Variants in ST3GAL4 observed in about 807,000 individuals in gnomAD.
ST3GAL4 encodes CMP-N-acetylneuraminate-beta-galactosamide-alpha-2,3-sialyltransferase 4.
In ST3GAL4, 24 loss-of-function variants were observed where a neutral mutation model predicts 42.6. That is an observed-to-expected ratio of 0.56 (90% CI 0.41 to 0.79). The LOEUF is 0.79. Ranked by LOEUF, ST3GAL4 falls within the 30% of genes least tolerant of loss-of-function variation. The pLI, the probability that ST3GAL4 is intolerant of heterozygous loss-of-function variation, is 0.00. For missense variants in ST3GAL4, 311 were observed against 430.8 expected (o/e 0.72, Z 2.46); for synonymous variants, 135 against 163.2 (o/e 0.83, Z 1.32).
At chr11:126,385,732 C>A (rs1262730742) in intron 1 of ST3GAL4, among the ~76,000 whole-genome samples, 1 of 152,034 alleles carries the variant, frequency 6.6e-6, no homozygotes, top group African/African-American at 2.4e-5. Flanking sequence ...GAATTCAGGA[C>A]AGGGCGTGGT....
At position 126,383,384 on chromosome 11, in the gene ST3GAL4, C is replaced by T. The variant is rs1218389220; in HGVS notation, c.-60-22712C>T. On this transcript the variant is annotated intron_variant, in intron 1 of 10. Transcript: ENST00000444328. The surrounding 1 kb of genome is among the most constrained non-coding windows in gnomAD (Gnocchi z 4.5). ...GCAAGCTGACAGAGTCTCCAGGAGC[C>T]AGAGCTGGGGTGGGAGGAACCCACT... 6.6e-6 allele frequency among the ~76,000 whole-genome samples: 1 copy of T among 152,188 alleles called. No homozygotes were observed. Among genetic ancestry groups the T allele is most frequent in the Non-Finnish European group, 1.5e-5 (1 of 68,022 alleles).
chr11:126,398,307 T>C lies in ST3GAL4; in HGVS notation c.-60-7789T>C, dbSNP rs576007323. Among the ~76,000 whole-genome samples the C allele has an allele frequency of 2.6e-5, 4 of 152,292 alleles. No individual in the cohort carries two copies. The East Asian group carries it at 7.7e-4, about 29-fold the overall frequency. ...GAAAGGGGCAACTGGTCCAGACAAC[T>C]CCAGAACCCAGCAGGGGGAACAATA... On this transcript the variant is annotated intron_variant, in intron 1 of 10. Coordinates refer to ENST00000444328, the MANE Select transcript of ST3GAL4 (RefSeq NM_001254757.2). This position sits in a 1 kb window ranked among gnomAD's most constrained non-coding sequence, Gnocchi z 4.7.
At chr11:126,413,223 G>A (rs963998425) in intron 9 of ST3GAL4, among the ~76,000 whole-genome samples, 1 of 152,090 alleles carries the variant, frequency 6.6e-6, no homozygotes, top group African/African-American at 2.4e-5. Flanking sequence ...CTCTGACCTC[G>A]GCCTCCTGAG....
chr11:126,395,383 C>A (rs914638630), intron 1 of ST3GAL4, among the ~76,000 whole-genome samples: 5 of 152,020 alleles, frequency 3.3e-5, no homozygotes, highest in Admixed American at 6.6e-5. Flanking sequence ...AAGAGCTGGA[C>A]GGAGAGAGAT....
At chr11:126,371,308 A>G (rs1952638002) in intron 1 of ST3GAL4, among the ~76,000 whole-genome samples, 1 of 151,310 alleles carries the variant, frequency 6.6e-6, no homozygotes, top group African/African-American at 2.4e-5. Flanking sequence ...GGGATTACAG[A>G]CGCACGCCAT....
chr11:126,402,091 A>AGGGGGG lies in ST3GAL4; in HGVS notation c.-60-4005_-60-4004insGGGGGG, dbSNP rs146212978. Among the ~76,000 whole-genome samples the AGGGGGG allele has an allele frequency of 3.0e-3, 388 of 131,390 alleles. 3 individuals are homozygous for AGGGGGG. The highest frequency in any genetic ancestry group is 9.5e-3 in the East Asian group (30 of 3,142). 86.2% of individuals were successfully genotyped at this position (131,390 alleles called of 152,430 possible). ...TGTCTAGGTGGAAGGATTTGGGGGA[A>AGGGGGG]AGAGGGGAGGTAGGAGAGTCTAGAC... On this transcript the variant is annotated intron_variant, in intron 1 of 10. Transcript: ENST00000444328.
chr11:126,407,626 C>A lies in ST3GAL4; in HGVS notation c.333C>A (p.Asn111Lys). 2 of 1,614,170 alleles carry A rather than the reference C, an allele frequency of 1.2e-6. No individual in the cohort carries two copies. The highest frequency in any genetic ancestry group is 1.7e-6 in the Non-Finnish European group (2 of 1,180,020). Reference sequence around the variant, plus strand: ...TCACCAGCTCCTCCATCCCCAAGAACATCCAGAGGTAAGGCGGCACTCCGA... The same window carrying A: ...TCACCAGCTCCTCCATCCCCAAGAAAATCCAGAGGTAAGGCGGCACTCCGA... ...LAITSSSIPKNIQSLRCRRCV... is the reference protein window; with the variant it reads ...LAITSSSIPKKIQSLRCRRCV... The change falls in exon 6 of 11, where the codon AAC becomes AAA. Residue 111 changes from asparagine to lysine, a missense_variant. Asn to Lys is a moderately conservative substitution (Grantham distance 94). Transcript: ENST00000444328.
chr11:126,371,455 G>A lies in ST3GAL4; in HGVS notation c.-61+15613G>A, dbSNP rs1418962659. ...TGGGATTATAGGCGTGAGCCACCGC[G>A]CCTGGCCTATTCTTTCATCATACAC... On this transcript the variant is annotated intron_variant, in intron 1 of 10. Transcript: ENST00000444328. Among the ~76,000 whole-genome samples the A allele has an allele frequency of 3.9e-5, 6 of 152,188 alleles. No individual in the cohort carries two copies. The South Asian group carries it at 1.0e-3, about 26-fold the overall frequency.
chr11:126,408,475 C>A lies in ST3GAL4; in HGVS notation c.606C>A (p.Thr202=). ...CAATGGACTTCCACTGGATTGAGAC[C>A]ATCCTGAGTGATAAGAAGCGGGTAA... ...FKAMDFHWIE[T]ILSDKKRVRK... The change falls in exon 8 of 11, where the codon ACC becomes ACA. Residue 202 remains threonine (T), a synonymous_variant. Transcript: ENST00000444328. 2 of 1,614,208 alleles carry A rather than the reference C, an allele frequency of 1.2e-6. No individual in the cohort carries two copies. Among genetic ancestry groups the A allele is most frequent in the Non-Finnish European group, 1.7e-6 (2 of 1,180,030 alleles).
At chr11:126,382,591 T>C (rs1315672010) in intron 1 of ST3GAL4, among the ~76,000 whole-genome samples, 2 of 151,972 alleles carry the variant, frequency 1.3e-5, no homozygotes. Flanking sequence ...CAGGGCTTGG[T>C]GTTGGGGCCT....
intron 1 of ST3GAL4, among the ~76,000 whole-genome samples, chr11:126,402,639 CTG>C (rs959878922): frequency 6.6e-6 from 1 of 152,168 alleles, no homozygotes; most frequent in Non-Finnish European, 1.5e-5. Flanking sequence ...GGGCATCATA[CTG>C]TGCCCCTGGG....
intron 1 of ST3GAL4, among the ~76,000 whole-genome samples, chr11:126,358,192 C>T (rs901501376): frequency 3.3e-5 from 5 of 152,232 alleles, no homozygotes; most frequent in Admixed American, 1.3e-4. Flanking sequence ...CTTCCTGCCC[C>T]CTCAGTTCAG....
intron 8 of ST3GAL4, chr11:126,408,898 A>T (rs1954391162): frequency 2.5e-6 from 1 of 397,524 alleles, no homozygotes; most frequent in African/African-American, 2.0e-5. Flanking sequence ...AGTTCACTAC[A>T]TCACTTTGCC....
intron 1 of ST3GAL4, among the ~76,000 whole-genome samples, chr11:126,389,775 T>A (rs1242050356): frequency 1.3e-5 from 2 of 151,982 alleles, no homozygotes; most frequent in African/African-American, 2.4e-5. Context: ...TAAATAAAGA[T>A]GAAATCTTGC....
chr11:126,395,020 A>T (rs997780938), intron 1 of ST3GAL4, among the ~76,000 whole-genome samples: 2 of 151,944 alleles, frequency 1.3e-5, no homozygotes, highest in African/African-American at 4.8e-5. Flanking sequence ...TGCCAACTCT[A>T]ATGAGCCAGG....
At chr11:126,367,551 T>A (rs977254799) in intron 1 of ST3GAL4, among the ~76,000 whole-genome samples, 4 of 152,178 alleles carry the variant, frequency 2.6e-5, no homozygotes, top group Non-Finnish European at 4.4e-5. Flanking sequence ...GAATGCTTGT[T>A]CTGTGCCTAG....
chr11:126,413,638 A>G lies in ST3GAL4; in HGVS notation c.905A>G (p.Lys302Arg). 1 of 1,614,218 alleles carries G rather than the reference A, an allele frequency of 6.2e-7. No individual in the cohort carries two copies. Among genetic ancestry groups the G allele is most frequent in the Non-Finnish European group, 8.5e-7 (1 of 1,180,020 alleles). Reference protein sequence around the residue: ...TIHYYEQITLKSMAGSGHNVS... With the variant: ...TIHYYEQITLRSMAGSGHNVS... ...CACTACTATGAGCAGATCACGCTCA[A>G]GTCCATGGCGGTAAGTGCCTGGCTT... Residue 302 changes from lysine to arginine, a missense_variant, in exon 10 of 11, where the codon AAG (lysine) becomes AGG (arginine). Physicochemically the swap from Lys to Arg is conservative, Grantham distance 26 (BLOSUM62 2). Coordinates refer to ENST00000444328, the MANE Select transcript of ST3GAL4 (RefSeq NM_001254757.2).
chr11:126,389,821 A>G (rs1953404411), intron 1 of ST3GAL4, among the ~76,000 whole-genome samples: 1 of 152,036 alleles, frequency 6.6e-6, no homozygotes, highest in Admixed American at 6.6e-5. Flanking sequence ...TCTTGGGCTC[A>G]AGCAATCCTC....
chr11:126,371,780 G>T (rs1038640927), intron 1 of ST3GAL4, among the ~76,000 whole-genome samples: 3 of 152,212 alleles, frequency 2.0e-5, no homozygotes, highest in Non-Finnish European at 2.9e-5. Context: ...GTTACTCGGG[G>T]CTGTGCCCGG....
Sources: allele counts gnomAD v4.1 joint callset (sites outside exome capture counted in the v4.1 genomes callset), GRCh38; gene constraint gnomAD v4.1.1; non-coding constraint Gnocchi (gnomAD v3.1); transcripts MANE v1.5; gene names NCBI Gene and HGNC (gene_info 2026-07-23, HGNC 2026-07-21).